ADGRF3: variants seen among roughly 807,000 people sequenced by gnomAD.
ADGRF3 encodes the protein adhesion G protein-coupled receptor F3, also known as G protein-coupled receptor 113.
A neutral mutation model predicts 93.2 loss-of-function variants in ADGRF3; 85 were observed. The observed-to-expected ratio is 0.91, with a 90% CI of 0.77 to 1.09. ADGRF3 has a LOEUF of 1.09. Among genes scored for constraint, ADGRF3 ranks in the 50% least tolerant of loss-of-function variants. The pLI, the probability that ADGRF3 is intolerant of heterozygous loss-of-function variation, is 0.00. For synonymous variants in ADGRF3, 534 were observed against 532.5 expected, an observed-to-expected ratio of 1.00 and a Z score of -0.04; for missense variants, 1,125 against 1,246.2, an observed-to-expected ratio of 0.90 and a Z score of 1.46.
chr2:26,313,232 C>T lies in ADGRF3; in HGVS notation c.1270-110G>A, dbSNP rs1411020290. 4 of 1,460,800 alleles carry T rather than the reference C, an allele frequency of 2.7e-6. No homozygotes were observed. In the East Asian group the frequency reaches 9.1e-5, roughly 33 times the overall value. The allele number at this position is 1,460,800 out of a possible 1,614,324, so 90.5% of individuals were successfully genotyped here. Reference sequence around the variant, plus strand: ...ACCCCCAGAAGCCCTCTCACTCCTACTTCCTGGCTCTGCTAGGGCTCCACT... The same window carrying T: ...ACCCCCAGAAGCCCTCTCACTCCTATTTCCTGGCTCTGCTAGGGCTCCACT... On this transcript the variant is annotated intron_variant, in intron 8 of 13. Transcript: ENST00000651242.
intron 1 of ADGRF3, among the ~76,000 whole-genome samples, chr2:26,327,832 T>C (rs1675523744): frequency 6.7e-6 from 1 of 149,110 alleles, no homozygotes; most frequent in South Asian, 2.1e-4. Context: ...ACGTCTTCTT[T>C]TAAAAAAAAA....
chr2:26,315,787 C>A, intron 4 of ADGRF3, 47 bp from the exon 5 acceptor site: 3 of 1,547,972 alleles, frequency 1.9e-6, no homozygotes, highest in Non-Finnish European at 2.6e-6. Context: ...GGACTTATGG[C>A]CCTCAGATGC....
rs1424878630 is a variant in ADGRF3, at chr2:26,311,901, C to T, written c.1623G>A (p.Leu541=). 1.9e-6 allele frequency: 3 copies of T among 1,613,892 alleles called. No homozygotes were observed. The highest frequency in any genetic ancestry group is 2.5e-6 in the Non-Finnish European group (3 of 1,179,854). The change falls in exon 10 of 14, where the codon CTG becomes CTA. Residue 541 remains leucine, a synonymous_variant. Coordinates refer to ENST00000651242, the MANE Select transcript of ADGRF3 (RefSeq NM_001321971.2). The stretch of plus-strand genomic sequence containing the variant: ...TGGGTCCAAACAGCTGGCTCTGCAG[C>T]AGCACATTGGGTAAGCTGAAGGCGA... ...HPFAFSLPNV[L]LQSQLFGPTF...
At position 26,309,423 on chromosome 2, in the gene ADGRF3, T is replaced by C. The variant is rs1486099957; in HGVS notation, c.2993+103A>G. 3.2e-6 allele frequency: 5 copies of C among 1,548,720 alleles called. No homozygotes were observed. In the African/African-American group the frequency reaches 6.8e-5, roughly 21 times the overall value. ...CCTACCCTTTGGTGTGGGCTGGGTA[T>C]AGAAAGAGGAGGCTTCTCTCCAGCA... is the stretch of plus-strand genomic sequence containing the variant. On this transcript the variant is annotated intron_variant, in intron 13 of 13. Coordinates refer to ENST00000651242, the MANE Select transcript of ADGRF3 (RefSeq NM_001321971.2).
Position 26,311,213 on chromosome 2 carries a change from G to A in ADGRF3, c.2311C>T (p.Pro771Ser), listed in dbSNP as rs1383142850. The A allele has an allele frequency of 1.2e-6, 2 of 1,603,592 alleles. No individual in the cohort carries two copies. Among genetic ancestry groups the A allele is most frequent in the Non-Finnish European group, 1.7e-6 (2 of 1,175,280 alleles). ...AGGAAGGCGGCAGCAAGGCAGAGCG[G>A]GCTTCGGGGCCCTGGAGAGAGGAAT... ...APFLSPGPRS[P>S]LCLAAAFLCH... is the part of the protein sequence containing the mutation. The change falls in exon 10 of 14, where the codon CCG (proline) becomes TCG (serine). Residue 771 changes from proline (P) to serine (S), a missense_variant. By Grantham distance (74) the Pro-to-Ser change is moderately conservative. Transcript: ENST00000651242.
intron 1 of ADGRF3, among the ~76,000 whole-genome samples, chr2:26,344,269 G>C (rs959745820): frequency 1.3e-5 from 2 of 152,066 alleles, no homozygotes; most frequent in Non-Finnish European, 2.9e-5. Context: ...TCAATAACCT[G>C]AGTAGCTGGG....
In ADGRF3 at chr2:26,310,785, G is replaced by A. The variant is rs1191084017; in HGVS notation, c.2739C>T (p.Ile913=). The change falls in exon 10 of 14, where the codon ATC becomes ATT. Residue 913 remains isoleucine, a synonymous_variant. Coordinates refer to ENST00000651242, the MANE Select transcript of ADGRF3 (RefSeq NM_001321971.2). ...VIKALLILTP[I]FGLTWGLGLA... Reference sequence around the variant, plus strand: ...GGCCCAGCCCCCAGGTGAGGCCAAAGATGGGTGTAAGAATGAGCAGGGCTT... The same window carrying A: ...GGCCCAGCCCCCAGGTGAGGCCAAAAATGGGTGTAAGAATGAGCAGGGCTT... 1.9e-6 allele frequency: 3 copies of A among 1,613,754 alleles called. No homozygotes were observed. In the African/African-American group the frequency reaches 4.0e-5, roughly 22 times the overall value.
At position 26,314,296 on chromosome 2, in the gene ADGRF3, A is replaced by T. The variant is rs990416190; in HGVS notation, c.928+118T>A. ...GGGTAGAAAACAGTGTTGGCCTTGG[A>T]CCCCACTCTCTGGTTGAACTGTGGC... On this transcript the variant is annotated intron_variant, in intron 6 of 13. Coordinates refer to ENST00000651242, the MANE Select transcript of ADGRF3 (RefSeq NM_001321971.2). 5.4e-6 allele frequency: 5 copies of T among 929,506 alleles called. No homozygotes were observed. In the African/African-American group the frequency reaches 8.3e-5, roughly 15 times the overall value. 57.6% of individuals were successfully genotyped at this position (929,506 alleles called of 1,614,324 possible). A position where few individuals can be genotyped will look rare whatever the true frequency, so the allele number is the denominator to read the frequency against.
chr2:26,318,141 A>T, intron 1 of ADGRF3: 1 of 1,479,210 alleles, frequency 6.8e-7, no homozygotes, highest in Admixed American at 2.2e-5. Flanking sequence ...GGAGGTGAGG[A>T]TGGAGCTGGC....
chr2:26,328,381 A>C (rs1337632697), intron 1 of ADGRF3, among the ~76,000 whole-genome samples: 1 of 151,596 alleles, frequency 6.6e-6, no homozygotes, highest in Non-Finnish European at 1.5e-5. Flanking sequence ...CCACTATTTC[A>C]AATTGTTTTT....
intron 1 of ADGRF3, among the ~76,000 whole-genome samples, chr2:26,342,524 A>G (rs951966410): frequency 5.3e-5 from 8 of 152,202 alleles, no homozygotes; most frequent in African/African-American, 1.7e-4. Flanking sequence ...CAGGCACTCC[A>G]GGAACTTAAA....
chr2:26,309,183 G>A (rs1298949636), intron 13 of ADGRF3, 76 bp from the exon 14 acceptor site: 1 of 1,613,826 alleles, frequency 6.2e-7, no homozygotes, highest in Non-Finnish European at 8.5e-7. Context: ...TGGATACCAA[G>A]CCCACCCATG....
chr2:26,327,894 A>C (rs1675530159), intron 1 of ADGRF3, among the ~76,000 whole-genome samples: 1 of 152,162 alleles, frequency 6.6e-6, no homozygotes. Flanking sequence ...AAACGGACTC[A>C]GAGTCCTCAC....
intron 1 of ADGRF3, among the ~76,000 whole-genome samples, chr2:26,343,636 G>C (rs1266687002): frequency 6.6e-6 from 1 of 152,042 alleles, no homozygotes; most frequent in Non-Finnish European, 1.5e-5. Flanking sequence ...GTAGAGACGG[G>C]GTTTCACCGT....
At chr2:26,310,010 T>C (rs1449265080) in intron 12 of ADGRF3, 33 bp downstream of exon 12, 3 of 1,613,968 alleles carry the variant, frequency 1.9e-6, no homozygotes, top group Admixed American at 1.7e-5. Flanking sequence ...TGCTCTTGGA[T>C]GCACAGCTGA....
rs757959993 is a variant in ADGRF3 at position 26,312,031 on chromosome 2, C to T, written c.1493G>A (p.Arg498Lys). The change falls in exon 10 of 14, where the codon AGG becomes AAG. Residue 498 changes from arginine (R) to lysine (K), a missense_variant. By Grantham distance (26) the Arg-to-Lys change is conservative. Coordinates refer to ENST00000651242, the MANE Select transcript of ADGRF3 (RefSeq NM_001321971.2). ...ATDKVLDMDT[R>K]SLWTLAQARK... ...GGCTTGGGCCAGGGTCCACAGAGAC[C>T]TGGTGTCCATATCTAGGACCTTGTC... 6.2e-7 allele frequency: 1 copy of T among 1,612,754 alleles called. No individual in the cohort carries two copies. Among genetic ancestry groups the T allele is most frequent in the Non-Finnish European group, 8.5e-7 (1 of 1,179,872 alleles).
intron 9 of ADGRF3, among the ~76,000 whole-genome samples, chr2:26,312,683 G>A (rs141287927): frequency 3.3e-4 from 51 of 152,262 alleles, no homozygotes; most frequent in African/African-American, 1.2e-3. Flanking sequence ...GCCTGCATGC[G>A]CACACACGCC....
chr2:26,330,412 T>C (rs926142216), intron 1 of ADGRF3, among the ~76,000 whole-genome samples: 1 of 152,190 alleles, frequency 6.6e-6, no homozygotes, highest in African/African-American at 2.4e-5. Flanking sequence ...TTTGGTTCTC[T>C]GGCCAGAAAT....
chr2:26,336,211 T>C (rs1417566896), intron 1 of ADGRF3, among the ~76,000 whole-genome samples: 1 of 151,980 alleles, frequency 6.6e-6, no homozygotes, highest in Non-Finnish European at 1.5e-5. Context: ...TCTTGAAGAT[T>C]GAGAGGGAGT....
Sources: allele counts gnomAD v4.1 joint callset (sites outside exome capture counted in the v4.1 genomes callset), GRCh38; gene constraint gnomAD v4.1.1; transcripts MANE v1.5; gene names NCBI Gene and HGNC (gene_info 2026-07-23, HGNC 2026-07-21).